Variants in SACS observed in about 807,000 individuals in gnomAD.
The protein encoded by SACS is sacsin.
A neutral mutation model predicts 348.0 loss-of-function variants in SACS; 197 were observed. That is an observed-to-expected ratio of 0.57 (90% CI 0.50 to 0.64). The LOEUF (loss-of-function observed/expected upper bound fraction) is 0.64. Ranked by LOEUF, SACS falls within the 30% of genes least tolerant of loss-of-function variation. SACS has a pLI of 0.00. For synonymous variants in SACS, 1,985 were observed against 1,910.6 expected, an observed-to-expected ratio of 1.04 and a Z score of -1.02; for missense variants, 4,999 against 5,360.8, an observed-to-expected ratio of 0.93 and a Z score of 2.11.
In SACS at chr13:23,329,344, TAC is replaced by T; in HGVS notation, c.*790_*791del. 4.4e-6 allele frequency: 3 copies of T among 674,844 alleles called. No individual in the cohort carries two copies. The highest frequency in any genetic ancestry group is 8.0e-6 in the Non-Finnish European group (3 of 374,720). The allele number at this position is 674,844 out of a possible 1,614,324, so 41.8% of individuals were successfully genotyped here. The stretch of plus-strand genomic sequence containing the variant: ...AATTATAACATTTGTGGAAAATATG[TAC>T]ACACAAACATAAAGCAAGTGTTCTA... On this transcript the variant is annotated 3_prime_UTR_variant, in exon 10 of 10. Coordinates refer to ENST00000382292, the MANE Select transcript of SACS (RefSeq NM_014363.6).
intron 2 of SACS, among the ~76,000 whole-genome samples, chr13:23,392,091 T>C (rs1536366): frequency 0.99 from 150,808 of 152,296 alleles, 74,683 homozygotes; most frequent in East Asian, 1. Context: ...AAACCAAGTC[T>C]ACCGGGTCCC....
intron 2 of SACS, among the ~76,000 whole-genome samples, chr13:23,399,925 C>G (rs1298690872): frequency 1.3e-5 from 2 of 152,168 alleles, no homozygotes; most frequent in Admixed American, 6.5e-5. Flanking sequence ...TTGTGATAAG[C>G]CCCCTCACCC....
At chr13:23,368,904 T>G (rs1423512316) in intron 4 of SACS, among the ~76,000 whole-genome samples, 4 of 152,106 alleles carry the variant, frequency 2.6e-5, no homozygotes, top group East Asian at 1.9e-4. Context: ...TTTCACCATG[T>G]TAGCCAGGAT....
At chr13:23,354,418 G>T in intron 8 of SACS, 101 bp downstream of exon 8, 2 of 995,224 alleles carry the variant, frequency 2.0e-6, no homozygotes, top group Non-Finnish European at 3.1e-6. Flanking sequence ...CTATAAAATC[G>T]ACATAGAAAA....
intron 5 of SACS, among the ~76,000 whole-genome samples, chr13:23,368,041 G>A (rs942431249): frequency 2.0e-5 from 3 of 152,180 alleles, no homozygotes; most frequent in East Asian, 1.9e-4. Flanking sequence ...GCCTCTAATC[G>A]TAGAATGTAT....
Position 23,331,671 on chromosome 13 carries a change from T to G in SACS, c.12205A>C (p.Arg4069=), listed in dbSNP as rs772628731. The stretch of plus-strand genomic sequence containing the variant: ...TTCAAAAAAGCAAAAGTTTCACTTC[T>G]GCTGTGGGGAATAGGATTAAAACCT... ...VKGFNPIPHS[R]SETFAFLKRF... The change falls in exon 10 of 10, where the codon AGA becomes CGA. Residue 4069 remains arginine (R), a synonymous_variant. Transcript: ENST00000382292. 6.2e-7 allele frequency: 1 copy of G among 1,613,990 alleles called. No individual in the cohort carries two copies. The highest frequency in any genetic ancestry group is 8.5e-7 in the Non-Finnish European group (1 of 1,179,956).
chr13:23,331,976 T>C lies in SACS; in HGVS notation c.11900A>G (p.Gln3967Arg). Residue 3967 changes from glutamine to arginine, a missense_variant, in exon 10 of 10, where the codon CAA becomes CGA. Transcript: ENST00000382292. The part of the protein sequence containing the change: ...FHTKLIMLFP[Q>R]KLRPRLLSSI... Reference sequence around the variant, plus strand: ...GCTCAATAATCGAGGTCTAAGTTTTTGAGGAAAGAGCATTATCAACTTAGT... The same window carrying C: ...GCTCAATAATCGAGGTCTAAGTTTTCGAGGAAAGAGCATTATCAACTTAGT... The C allele has an allele frequency of 6.2e-7, 1 of 1,614,118 alleles. No homozygotes were observed. Among genetic ancestry groups the C allele is most frequent in the East Asian group, 2.2e-5 (1 of 44,878 alleles).
At chr13:23,378,473 C>A (rs1482761437) in intron 2 of SACS, among the ~76,000 whole-genome samples, 1 of 152,072 alleles carries the variant, frequency 6.6e-6, no homozygotes, top group Non-Finnish European at 1.5e-5. Context: ...TCCTCTCTTG[C>A]AAATTTTTTT....
chr13:23,371,562 T>G (rs780396916), intron 3 of SACS, among the ~76,000 whole-genome samples: 1 of 152,220 alleles, frequency 6.6e-6, no homozygotes, highest in African/African-American at 2.4e-5. Flanking sequence ...GTTTTTAAAT[T>G]AGTTTAGATG....
chr13:23,346,794 A>G lies in SACS; in HGVS notation c.2186-5104T>C, dbSNP rs1869635480. ...AAACATCAGGCTTCAAATGAACACAACATTCAGTTATCCTACCTGAATATC... is the reference window on the plus strand; with the variant it reads ...AAACATCAGGCTTCAAATGAACACAGCATTCAGTTATCCTACCTGAATATC... On this transcript the variant is annotated intron_variant, in intron 9 of 9. Transcript: ENST00000382292. 3 of 981,620 alleles carry G rather than the reference A, an allele frequency of 3.1e-6. No homozygotes were observed. In the South Asian group the frequency reaches 1.4e-4, roughly 46 times the overall value. 60.8% of individuals were successfully genotyped at this position (981,620 alleles called of 1,614,324 possible).
In SACS at chr13:23,400,741, A is replaced by G. The variant is rs1872939391; in HGVS notation, c.20+10479T>C. Among the ~76,000 whole-genome samples, 3 of 152,194 alleles carry G rather than the reference A, an allele frequency of 2.0e-5. No homozygotes were observed. The South Asian group carries it at 6.2e-4, about 32-fold the overall frequency. On this transcript the variant is annotated intron_variant, in intron 2 of 9. Transcript: ENST00000382292. ...GGCCAGTCACTTTGGTTAAATAGGT[A>G]GCTAAGCATTGTTTCACACCAACCT...
At chr13:23,352,642 TA>T (rs563045708) in intron 9 of SACS, among the ~76,000 whole-genome samples, 26 of 150,772 alleles carry the variant, frequency 1.7e-4, no homozygotes, top group South Asian at 1.0e-3. Context: ...AATACAACAT[TA>T]AAAAAAAAGG....
In SACS at chr13:23,340,588, G is replaced by A. The variant is rs966965221; in HGVS notation, c.3288C>T (p.Ala1096=). ...SLRQIGLKNE[A]SLKEKDVVQV... ...GCACAACATCCTTTTCTTTGAGACTGGCTTCGTTTTTTAAACCAATCTGTC... is the reference window on the plus strand; with the variant it reads ...GCACAACATCCTTTTCTTTGAGACTAGCTTCGTTTTTTAAACCAATCTGTC... The change falls in exon 10 of 10, where the codon GCC becomes GCT. Residue 1096 remains alanine, a synonymous_variant. Transcript: ENST00000382292. The A allele has an allele frequency of 1.2e-6, 2 of 1,613,286 alleles. No individual in the cohort carries two copies. The highest frequency in any genetic ancestry group is 1.3e-5 in the African/African-American group (1 of 74,808).
chr13:23,351,878 T>C (rs1366002532), intron 9 of SACS, among the ~76,000 whole-genome samples: 1 of 152,018 alleles, frequency 6.6e-6, no homozygotes, highest in Non-Finnish European at 1.5e-5. Context: ...AAACACAGTG[T>C]TTCATTATGA....
chr13:23,358,520 T>C (rs1293307362), intron 6 of SACS, 39 bp from the exon 7 acceptor site: 2 of 1,609,924 alleles, frequency 1.2e-6, no homozygotes, highest in Non-Finnish European at 1.7e-6. Context: ...TCAAAAAAGA[T>C]ACCAGGGTGT....
At chr13:23,375,369 G>A (rs1871697871) in intron 2 of SACS, 100 bp from the exon 3 acceptor site, 1 of 1,258,938 alleles carries the variant, frequency 7.9e-7, no homozygotes, top group Non-Finnish European at 1.0e-6. Context: ...ACATCGCGGC[G>A]CGGCAGGCGC....
At chr13:23,363,904 A>C (rs1870903006) in intron 6 of SACS, among the ~76,000 whole-genome samples, 1 of 152,110 alleles carries the variant, frequency 6.6e-6, no homozygotes, top group African/African-American at 2.4e-5. Context: ...ACTTAACCTG[A>C]AGTCTCTTGA....
chr13:23,425,588 G>T (rs565951072), intron 1 of SACS, among the ~76,000 whole-genome samples: 6 of 152,260 alleles, frequency 3.9e-5, no homozygotes, highest in Non-Finnish European at 8.8e-5. Flanking sequence ...CATGGGCCCT[G>T]CCCTCTTCCT....
chr13:23,337,619 T>C lies in SACS; in HGVS notation c.6257A>G (p.Asp2086Gly), dbSNP rs920431033. 1 of 1,613,864 alleles carries C rather than the reference T, an allele frequency of 6.2e-7. No homozygotes were observed. Among genetic ancestry groups the C allele is most frequent in the East Asian group, 2.2e-5 (1 of 44,860 alleles). ...AACACGAAGAACTCCCGAGAACTCA[T>C]CAACTTTTTCATTTAGAACAAAGAT... is the stretch of plus-strand genomic sequence containing the variant. ...LMIFVLNEKV[D>G]EFSGVLRVTP... is the part of the protein sequence containing the mutation. The change falls in exon 10 of 10, where the codon GAT (aspartate) becomes GGT (glycine). Residue 2086 changes from aspartate (D) to glycine (G), a missense_variant. Coordinates refer to ENST00000382292, the MANE Select transcript of SACS (RefSeq NM_014363.6).
Sources: gnomAD v4.1 joint callset for allele counts (sites outside exome capture counted in the v4.1 genomes callset) on GRCh38, gnomAD v4.1.1 for gene constraint, MANE v1.5 for transcripts, NCBI Gene and HGNC (gene_info 2026-07-23, HGNC 2026-07-21) for gene names.